The following PHLDB2 variants were observed in gnomAD, a reference collection of about 807,000 sequenced individuals.
The protein encoded by PHLDB2 is pleckstrin homology-like domain family B member 2.
PHLDB2 carries 71 observed loss-of-function variants against 123.6 expected under a neutral mutation model. The observed-to-expected ratio is 0.57, with a 90% CI of 0.47 to 0.70. The LOEUF (loss-of-function observed/expected upper bound fraction) is 0.70, where lower values mean the gene tolerates loss of function less well. PHLDB2 is among the 30% of genes least tolerant of loss of function. PHLDB2 has a pLI of 0.00. For missense variants in PHLDB2, 1,446 were observed against 1,519.5 expected (o/e 0.95, Z 0.80); for synonymous variants, 547 against 541.6 (o/e 1.01, Z -0.14).
At chr3:111,898,948 C>T (rs1481875041) in intron 2 of PHLDB2, among the ~76,000 whole-genome samples, 4 of 152,200 alleles carry the variant, frequency 2.6e-5, no homozygotes, top group Non-Finnish European at 5.9e-5. Flanking sequence ...TCCAAACTCT[C>T]GTTCATGTTG....
At chr3:111,880,702 G>A (rs994709468) in intron 1 of PHLDB2, among the ~76,000 whole-genome samples, 3 of 150,972 alleles carry the variant, frequency 2.0e-5, no homozygotes, top group Admixed American at 2.0e-4. Context: ...TCAAGATCGG[G>A]CAAATTTTTT....
intron 5 of PHLDB2, among the ~76,000 whole-genome samples, chr3:111,924,173 T>C (rs1438843503): frequency 1.3e-5 from 2 of 152,218 alleles, no homozygotes; most frequent in African/African-American, 4.8e-5. Flanking sequence ...CTTTCAGGGC[T>C]CAAGATCAGT....
intron 2 of PHLDB2, among the ~76,000 whole-genome samples, chr3:111,910,303 A>T (rs2067812331): frequency 6.6e-6 from 1 of 152,208 alleles, no homozygotes; most frequent in African/African-American, 2.4e-5. Flanking sequence ...TATGTAAAAT[A>T]ATTTTATTCA....
intron 1 of PHLDB2, among the ~76,000 whole-genome samples, chr3:111,757,555 A>T (rs1378719899): frequency 6.6e-6 from 1 of 152,096 alleles, no homozygotes; most frequent in Non-Finnish European, 1.5e-5. Context: ...GATCGTCTGA[A>T]GCCTTCTTCT....
At chr3:111,771,520 T>C (rs533614250) in intron 1 of PHLDB2, among the ~76,000 whole-genome samples, 31 of 152,252 alleles carry the variant, frequency 2.0e-4, no homozygotes, top group African/African-American at 7.5e-4. Context: ...TTTGTATTTT[T>C]AGTAGAGATG....
chr3:111,740,932 A>C (rs984060263), intron 1 of PHLDB2, among the ~76,000 whole-genome samples: 6 of 151,064 alleles, frequency 4.0e-5, no homozygotes, highest in Non-Finnish European at 8.9e-5. Context: ...TGGGGAGAGG[A>C]GAGGGGGGAG....
rs568081315 is a variant in PHLDB2, at chr3:111,933,693, G to T, written c.2130+1296G>T. 2.0e-5 allele frequency among the ~76,000 whole-genome samples: 3 copies of T among 152,270 alleles called. No homozygotes were observed. The South Asian group carries it at 6.2e-4, about 32-fold the overall frequency. Reference sequence around the variant, plus strand: ...TCTCTGAAAATTTTATGATAAAAATGATTGGAAGAAAACTAGTATTTGTAA... The same window carrying T: ...TCTCTGAAAATTTTATGATAAAAATTATTGGAAGAAAACTAGTATTTGTAA... On this transcript the variant is annotated intron_variant, in intron 6 of 17. Coordinates refer to ENST00000431670, the MANE Select transcript of PHLDB2 (RefSeq NM_001134438.2).
intron 1 of PHLDB2, among the ~76,000 whole-genome samples, chr3:111,782,650 T>C (rs1019567836): frequency 2.0e-5 from 3 of 152,086 alleles, no homozygotes; most frequent in African/African-American, 7.2e-5. Flanking sequence ...AGACTCCTGC[T>C]AGAGCTTCTT....
chr3:111,892,482 G>T (rs1459152667), intron 2 of PHLDB2, among the ~76,000 whole-genome samples: 1 of 152,094 alleles, frequency 6.6e-6, no homozygotes, highest in African/African-American at 2.4e-5. Flanking sequence ...ACCCATTCTT[G>T]ACATTTATTC....
At chr3:111,766,085 AC>A (rs1470159873) in intron 1 of PHLDB2, among the ~76,000 whole-genome samples, 2 of 152,234 alleles carry the variant, frequency 1.3e-5, no homozygotes, top group African/African-American at 4.8e-5. Flanking sequence ...AATGAAGTGT[AC>A]CTGCTTTGTA....
At chr3:111,852,877 A>G (rs1202192132) in intron 2 of PHLDB2, among the ~76,000 whole-genome samples, 2 of 152,170 alleles carry the variant, frequency 1.3e-5, no homozygotes, top group African/African-American at 4.8e-5. Flanking sequence ...TGCAGAAATT[A>G]ATCAGATGTT....
intron 1 of PHLDB2, among the ~76,000 whole-genome samples, chr3:111,736,611 G>A (rs975464947): frequency 6.6e-6 from 1 of 152,100 alleles, no homozygotes; most frequent in Admixed American, 6.6e-5. Flanking sequence ...TGGTAGGAAT[G>A]GGGCCTACAA....
chr3:111,839,940 C>CTTCTT (rs2063601622), intron 1 of PHLDB2, among the ~76,000 whole-genome samples: 1 of 64,940 alleles, frequency 1.5e-5, no homozygotes, highest in Non-Finnish European at 2.6e-5. Flanking sequence ...CCCACCCCCG[C>CTTCTT]TTTTTTTTTT....
chr3:111,925,454 T>G (rs1014176170), intron 5 of PHLDB2, among the ~76,000 whole-genome samples: 1 of 152,204 alleles, frequency 6.6e-6, no homozygotes, highest in Non-Finnish European at 1.5e-5. Context: ...TGTTCTCGGA[T>G]AGTAGCCACA....
intron 13 of PHLDB2, among the ~76,000 whole-genome samples, chr3:111,962,929 CAAAAAAA>C (rs57625439): frequency 2.1e-5 from 2 of 93,832 alleles, no homozygotes; most frequent in African/African-American, 3.7e-5. Flanking sequence ...AACTCCATCT[CAAAAAAA>C]AAAAAAAAAA....
chr3:111,746,638 A>G (rs1165817571), intron 1 of PHLDB2, among the ~76,000 whole-genome samples: 2 of 152,108 alleles, frequency 1.3e-5, no homozygotes, highest in Non-Finnish European at 2.9e-5. Flanking sequence ...GGTGGCACAT[A>G]TATGTAGTCC....
chr3:111,859,788 C>T lies in PHLDB2; in HGVS notation c.-15+212C>T, dbSNP rs547052714. 582 of 985,316 alleles carry T rather than the reference C, an allele frequency of 5.9e-4. No individual in the cohort carries two copies. In the African/African-American group the frequency reaches 9.5e-3, roughly 16 times the overall value. The allele number at this position is 985,316 out of a possible 1,614,324, so 61.0% of individuals were successfully genotyped here. A position where few individuals can be genotyped will look rare whatever the true frequency, so the allele number is the denominator to read the frequency against. ...GCGAGTCAGGAGGGGCCGGCGGGCT[C>T]ACGGAGGGAGACAGGGTGGGCGGGG... is the stretch of plus-strand genomic sequence containing the variant. On this transcript the variant is annotated intron_variant, in intron 1 of 17. Coordinates refer to ENST00000431670, the MANE Select transcript of PHLDB2 (RefSeq NM_001134438.2).
At chr3:111,739,970 C>T (rs914790460) in intron 1 of PHLDB2, among the ~76,000 whole-genome samples, 6 of 151,792 alleles carry the variant, frequency 4.0e-5, no homozygotes, top group African/African-American at 1.5e-4. Flanking sequence ...TTTTTTTTTA[C>T]CTGAGGTTAT....
intron 6 of PHLDB2, among the ~76,000 whole-genome samples, chr3:111,933,801 C>G (rs1403028883): frequency 6.6e-6 from 1 of 152,168 alleles, no homozygotes; most frequent in Non-Finnish European, 1.5e-5. Flanking sequence ...CATTTGCTTA[C>G]ATTTTAACTC....
Sources: gnomAD v4.1 joint callset for allele counts (sites outside exome capture counted in the v4.1 genomes callset) on GRCh38, gnomAD v4.1.1 for gene constraint, MANE v1.5 for transcripts, NCBI Gene and HGNC (gene_info 2026-07-23, HGNC 2026-07-21) for gene names.